Variants in PCTP observed in about 807,000 individuals in gnomAD.
PCTP encodes START domain-containing protein 2.
Under a neutral mutation model 31.0 loss-of-function variants are expected in PCTP, and 27 were observed. The observed-to-expected ratio is 0.87, with a 90% CI of 0.64 to 1.20. The LOEUF is 1.20. Among genes scored for constraint, PCTP ranks in the 50% most tolerant of loss-of-function variants. The probability of loss-of-function intolerance (pLI) is 0.00; values close to 1 mark genes in which losing one functional copy is unlikely to be tolerated. For missense variants in PCTP, 287 were observed against 268.2 expected, an observed-to-expected ratio of 1.07 and a Z score of -0.49; for synonymous variants, 108 against 101.2, an observed-to-expected ratio of 1.07 and a Z score of -0.40.
At chr17:55,798,974 T>A (rs2145020694) in intron 3 of PCTP, among the ~76,000 whole-genome samples, 1 of 151,852 alleles carries the variant, frequency 6.6e-6, no homozygotes, top group African/African-American at 2.4e-5. Context: ...TTGCAAGTAA[T>A]AAAAATATAT....
At chr17:55,766,045 C>A (rs1910628305) in intron 1 of PCTP, among the ~76,000 whole-genome samples, 1 of 152,178 alleles carries the variant, frequency 6.6e-6, no homozygotes, top group Admixed American at 6.5e-5. Context: ...TCCTCCCCAT[C>A]CCCGCCCTTG....
At chr17:55,799,078 A>G (rs1174635407) in intron 3 of PCTP, among the ~76,000 whole-genome samples, 1 of 151,728 alleles carries the variant, frequency 6.6e-6, no homozygotes, top group Non-Finnish European at 1.5e-5. Context: ...ATGGGGGGGG[A>G]ATGCAATAAT....
At chr17:55,784,761 A>G (rs1911688674) in intron 2 of PCTP, among the ~76,000 whole-genome samples, 1 of 152,244 alleles carries the variant, frequency 6.6e-6, no homozygotes. Context: ...TAATGCATCC[A>G]AAGTCTTTTC....
At chr17:55,764,340 A>G (rs1249440331) in intron 1 of PCTP, among the ~76,000 whole-genome samples, 2 of 152,178 alleles carry the variant, frequency 1.3e-5, no homozygotes, top group African/African-American at 4.8e-5. Context: ...ACAAGTGTGT[A>G]TGAGTGTAAA....
At chr17:55,815,002 A>C (rs1912871948) in intron 3 of PCTP, among the ~76,000 whole-genome samples, 1 of 152,198 alleles carries the variant, frequency 6.6e-6, no homozygotes, top group Non-Finnish European at 1.5e-5. Context: ...GCAGATCCTC[A>C]GGAAGAAAAG....
chr17:55,773,829 G>A lies in PCTP; in HGVS notation c.445G>A (p.Val149Met), dbSNP rs1911146632. 1.2e-6 allele frequency: 2 copies of A among 1,613,364 alleles called. No homozygotes were observed. The highest frequency in any genetic ancestry group is 1.3e-5 in the African/African-American group (1 of 74,864). Reference protein sequence around the residue: ...SMPQLGERSGVIRVKQYKQSL... With the variant: ...SMPQLGERSGMIRVKQYKQSL... Reference sequence around the variant, plus strand: ...GCCTCAGCTTGGCGAGAGGTCTGGGGTGATCCGGGTGAAGCAATACAAGCA... The same window carrying A: ...GCCTCAGCTTGGCGAGAGGTCTGGGATGATCCGGGTGAAGCAATACAAGCA... Residue 149 changes from valine to methionine, a missense_variant, in exon 4 of 6, where the codon GTG (valine) becomes ATG (methionine). Physicochemically the swap from Val to Met is conservative, Grantham distance 21 (BLOSUM62 1). Transcript: ENST00000268896.
At chr17:55,836,262 G>T (rs1781140843) in intron 5 of PCTP, among the ~76,000 whole-genome samples, 1 of 152,172 alleles carries the variant, frequency 6.6e-6, no homozygotes, top group Non-Finnish European at 1.5e-5. Context: ...CTAGTGGATA[G>T]AATTTGATAA....
chr17:55,767,305 T>C (rs751908256), intron 1 of PCTP, 30 bp from the exon 2 acceptor site: 6 of 1,385,054 alleles, frequency 4.3e-6, no homozygotes, highest in South Asian at 1.2e-5. Context: ...TGGGAACCAA[T>C]AGACATTTCT....
intron 1 of PCTP, among the ~76,000 whole-genome samples, chr17:55,759,400 TA>T (rs1029157345): frequency 6.6e-6 from 1 of 152,210 alleles, no homozygotes; most frequent in African/African-American, 2.4e-5. Flanking sequence ...TCTTAAATAT[TA>T]AATCAGATTT....
chr17:55,848,307 A>G, the PCTP span, among the ~76,000 whole-genome samples: 2 of 152,230 alleles, frequency 1.3e-5, no homozygotes, highest in African/African-American at 4.8e-5. Flanking sequence ...ATCAAAGAAA[A>G]GTGTGTGTAA....
At chr17:55,773,698 G>T (rs1490641416) in intron 3 of PCTP, 26 bp from the exon 4 acceptor site, 7 of 1,588,030 alleles carry the variant, frequency 4.4e-6, no homozygotes, top group Admixed American at 1.7e-5. Context: ...GCTGGCGTTG[G>T]TGTCTTGCCT....
At chr17:55,825,523 C>A (rs1379573640), downstream of PCTP, among the ~76,000 whole-genome samples, 3 of 152,216 alleles carry the variant, frequency 2.0e-5, no homozygotes, top group Admixed American at 2.0e-4. Context: ...CTATCACAGA[C>A]TTGCAGGTTT....
intron 3 of PCTP, among the ~76,000 whole-genome samples, chr17:55,808,794 T>A (rs1023149522): frequency 6.6e-6 from 1 of 152,160 alleles, no homozygotes; most frequent in African/African-American, 2.4e-5. Flanking sequence ...GGAAGGTCCA[T>A]CCTGGAATGA....
downstream of PCTP, among the ~76,000 whole-genome samples, chr17:55,845,749 C>T (rs1377905930): frequency 2.6e-5 from 4 of 152,052 alleles, no homozygotes; most frequent in African/African-American, 9.7e-5. Context: ...CGTGTGAGGG[C>T]CGAGCCCCCC....
intron 1 of PCTP, among the ~76,000 whole-genome samples, chr17:55,766,961 G>C (rs1425084169): frequency 1.3e-5 from 2 of 152,124 alleles, no homozygotes; most frequent in Non-Finnish European, 2.9e-5. Context: ...ATTCTAACTG[G>C]TGTGAGATGG....
At chr17:55,753,978 G>A (rs1909856389) in intron 1 of PCTP, among the ~76,000 whole-genome samples, 1 of 152,200 alleles carries the variant, frequency 6.6e-6, no homozygotes, top group African/African-American at 2.4e-5. Flanking sequence ...ACAGTACTGT[G>A]TTGGAGAAAA....
At chr17:55,755,976 C>G (rs765679457) in intron 1 of PCTP, among the ~76,000 whole-genome samples, 2 of 152,200 alleles carry the variant, frequency 1.3e-5, no homozygotes, top group African/African-American at 4.8e-5. Flanking sequence ...TGCTTCCATA[C>G]AAGAACTACA....
intron 1 of PCTP, among the ~76,000 whole-genome samples, chr17:55,759,503 T>C (rs1910226504): frequency 6.6e-6 from 1 of 152,214 alleles, no homozygotes; most frequent in Non-Finnish European, 1.5e-5. Context: ...TTTACTTTGA[T>C]GAAAAATACT....
intron 3 of PCTP, among the ~76,000 whole-genome samples, chr17:55,791,167 A>C (rs1251893743): frequency 6.6e-6 from 1 of 152,032 alleles, no homozygotes; most frequent in African/African-American, 2.4e-5. Flanking sequence ...AGATGGATTA[A>C]AGACGTAAAC....
Sources: allele counts gnomAD v4.1 joint callset (sites outside exome capture counted in the v4.1 genomes callset), GRCh38; gene constraint gnomAD v4.1.1; transcripts MANE v1.5; gene names NCBI Gene and HGNC (gene_info 2026-07-23, HGNC 2026-07-21).